HECTD4: variants seen among roughly 807,000 people sequenced by gnomAD.
HECTD4 encodes the protein probable E3 ubiquitin-protein ligase HECTD4.
A neutral mutation model predicts 471.5 loss-of-function variants in HECTD4; 114 were observed. The ratio of observed to expected loss-of-function variants is 0.24; its 90% CI spans 0.21 to 0.28. The LOEUF is 0.28. Among genes scored for constraint, HECTD4 ranks in the 10% least tolerant of loss-of-function variants. The pLI is 1.00. For missense variants in HECTD4, 3,866 were observed against 5,651.5 expected (o/e 0.68, Z 10.13); for synonymous variants, 2,012 against 2,256.0 (o/e 0.89, Z 3.07).
chr12:112,239,939 G>T lies in HECTD4; in HGVS notation c.5047C>A (p.Arg1683Ser), dbSNP rs372463521. 6.2e-7 allele frequency: 1 copy of T among 1,613,878 alleles called. No homozygotes were observed. The highest frequency in any genetic ancestry group is 1.3e-5 in the African/African-American group (1 of 74,922). ...CTATTTGCGCAAGCGATAGGGTAAC[G>T]AGCACACAGAGACACAACAGAGGTC... ...TMTSVVSLCA[R>S]YPIACANSIG... Residue 1683 changes from arginine (R) to serine (S), a missense_variant, in exon 33 of 76, where the codon CGT becomes AGT. By Grantham distance (110) the Arg-to-Ser change is moderately radical. Around this residue, in one of 16 missense-constraint regions of HECTD4, gnomAD observed 229 missense variants for 386.4 expected, o/e 0.59. Coordinates refer to ENST00000682272, the MANE Select transcript of HECTD4 (RefSeq NM_001388303.1). The surrounding 1 kb of genome is among the most constrained non-coding windows in gnomAD (Gnocchi z 4.9).
At chr12:112,195,541 T>C (rs964150819) in intron 55 of HECTD4, among the ~76,000 whole-genome samples, 1 of 152,158 alleles carries the variant, frequency 6.6e-6, no homozygotes, top group Non-Finnish European at 1.5e-5. Context: ...TTTCTGTAAA[T>C]TGTCCAGAGG....
intron 16 of HECTD4, among the ~76,000 whole-genome samples, chr12:112,264,877 G>A (rs1300876333): frequency 6.6e-6 from 1 of 152,166 alleles, no homozygotes; most frequent in Non-Finnish European, 1.5e-5. Context: ...TGATTCTCCT[G>A]CCTCAGCCTC....
chr12:112,267,032 C>A, intron 13 of HECTD4, 50 bp from the exon 14 acceptor site: 1 of 989,452 alleles, frequency 1.0e-6, no homozygotes, highest in Non-Finnish European at 1.5e-6. Flanking sequence ...TCTAGAAAAT[C>A]AACTCTAAAT....
intron 23 of HECTD4, among the ~76,000 whole-genome samples, chr12:112,251,713 C>T (rs972315076): frequency 1.3e-5 from 2 of 152,176 alleles, no homozygotes; most frequent in Non-Finnish European, 1.5e-5. Context: ...AATACGTTTT[C>T]GGAATCAGGC....
intron 55 of HECTD4, among the ~76,000 whole-genome samples, chr12:112,199,782 C>T (rs2032361135): frequency 6.6e-6 from 1 of 152,196 alleles, no homozygotes; most frequent in African/African-American, 2.4e-5. Context: ...ATTGGCTTCA[C>T]AGCGAAAGGA....
chr12:112,162,392 C>T lies in HECTD4; in HGVS notation c.13252G>A (p.Gly4418Ser). 1.9e-6 allele frequency: 3 copies of T among 1,613,980 alleles called. No homozygotes were observed. The highest frequency in any genetic ancestry group is 2.5e-6 in the Non-Finnish European group (3 of 1,179,888). The change falls in exon 76 of 76, where the codon GGC (glycine) becomes AGC (serine). Residue 4418 changes from glycine to serine, a missense_variant. By Grantham distance (56) the Gly-to-Ser change is moderately conservative. Transcript: ENST00000682272. The surrounding 1 kb of genome is among the most constrained non-coding windows in gnomAD (Gnocchi z 5.2). Reference protein sequence around the residue: ...AIHYREDPLSG With the variant: ...AIHYREDPLSS ...AATTCTGGGGCTCCCTCCCATCAGC[C>T]ACTGAGGGGGTCTTCACGGTAGTGA...
At chr12:112,277,313 G>C (rs2034546258) in intron 9 of HECTD4, among the ~76,000 whole-genome samples, 1 of 152,186 alleles carries the variant, frequency 6.6e-6, no homozygotes, top group African/African-American at 2.4e-5. Flanking sequence ...ATTATGTTAA[G>C]TTTAAAAAGC....
At chr12:112,360,945 T>C (rs1005469755) in intron 1 of HECTD4, among the ~76,000 whole-genome samples, 3 of 150,372 alleles carry the variant, frequency 2.0e-5, no homozygotes, top group Non-Finnish European at 4.4e-5. Context: ...GATCGCGCCA[T>C]TGCACTCCAG....
At chr12:112,335,084 C>T (rs1359423682) in intron 1 of HECTD4, among the ~76,000 whole-genome samples, 1 of 151,640 alleles carries the variant, frequency 6.6e-6, no homozygotes, top group Non-Finnish European at 1.5e-5. Flanking sequence ...TTTGCAATTG[C>T]AAAAATGTGC....
chr12:112,243,322 A>C lies in HECTD4; in HGVS notation c.4958+31T>G, dbSNP rs1391238725. The C allele has an allele frequency of 6.3e-7, 1 of 1,590,690 alleles. No homozygotes were observed. The highest frequency in any genetic ancestry group is 8.6e-7 in the Non-Finnish European group (1 of 1,164,170). ...TTGAATGGCTCTGACCATTCTAGAAAGGACAGTATAAACTAACAGAAACAA... is the reference window on the plus strand; with the variant it reads ...TTGAATGGCTCTGACCATTCTAGAACGGACAGTATAAACTAACAGAAACAA... On this transcript the variant is annotated intron_variant, in intron 32 of 75. Transcript: ENST00000682272. This position sits in a 1 kb window ranked among gnomAD's most constrained non-coding sequence, Gnocchi z 6.6.
Position 112,193,572 on chromosome 12 carries a change from G to A in HECTD4, c.8852C>T (p.Ser2951Phe). 1 of 1,613,226 alleles carries A rather than the reference G, an allele frequency of 6.2e-7. No homozygotes were observed. Among genetic ancestry groups the A allele is most frequent in the Non-Finnish European group, 8.5e-7 (1 of 1,179,636 alleles). The part of the protein sequence containing the change: ...SATDLFYQGN[S>F]QTVREWLNVA... ...GTTGAGCCACTCTCTCACTGTCTGG[G>A]AGTTGCCCTGGTAAAAGAGGTCCGT... is the stretch of plus-strand genomic sequence containing the variant. Residue 2951 changes from serine (S) to phenylalanine (F), a missense_variant, in exon 57 of 76, where the codon TCC becomes TTC. Around this residue, in one of 16 missense-constraint regions of HECTD4, gnomAD observed 364 missense variants for 413.2 expected, o/e 0.88. Coordinates refer to ENST00000682272, the MANE Select transcript of HECTD4 (RefSeq NM_001388303.1). The surrounding 1 kb of genome is among the most constrained non-coding windows in gnomAD (Gnocchi z 5.2).
intron 66 of HECTD4, among the ~76,000 whole-genome samples, chr12:112,175,369 G>A (rs1219446317): frequency 6.6e-6 from 1 of 152,238 alleles, no homozygotes; most frequent in East Asian, 1.9e-4. Context: ...GAAGGTGGCA[G>A]TCTGGGAGCC....
chr12:112,255,754 C>G (rs2033993361), intron 21 of HECTD4, among the ~76,000 whole-genome samples: 1 of 152,190 alleles, frequency 6.6e-6, no homozygotes, highest in African/African-American at 2.4e-5. Context: ...TTCAACAATT[C>G]TAAGTAGAAG....
intron 32 of HECTD4, among the ~76,000 whole-genome samples, chr12:112,242,270 A>AT: frequency 6.6e-6 from 1 of 152,188 alleles, no homozygotes; most frequent in Non-Finnish European, 1.5e-5. Flanking sequence ...GGATGTGTTA[A>AT]TTTTTTTAGA....
intron 66 of HECTD4, among the ~76,000 whole-genome samples, 180 bp downstream of exon 66, chr12:112,175,555 AG>A (rs2031408731): frequency 6.6e-6 from 1 of 152,238 alleles, no homozygotes; most frequent in Admixed American, 6.5e-5. Flanking sequence ...GAAAAAGAAC[AG>A]GTTTGTTTAC....
At chr12:112,185,521 A>ACTG in intron 60 of HECTD4, 28 bp from the exon 61 acceptor site, 2 of 1,467,440 alleles carry the variant, frequency 1.4e-6, no homozygotes, top group Non-Finnish European at 1.8e-6. Context: ...AGTAACAGTA[A>ACTG]TTACTATGCA....
chr12:112,178,559 G>A (rs888213305), intron 64 of HECTD4, among the ~76,000 whole-genome samples: 1 of 152,218 alleles, frequency 6.6e-6, no homozygotes, highest in African/African-American at 2.4e-5. Context: ...ACCGGGCACA[G>A]TGGCTCCCGC....
intron 1 of HECTD4, among the ~76,000 whole-genome samples, chr12:112,340,653 C>T (rs1190451804): frequency 6.6e-6 from 1 of 152,100 alleles, no homozygotes; most frequent in African/African-American, 2.4e-5. Flanking sequence ...GATGAGAACG[C>T]CTGGTCTATA....
At chr12:112,337,384 A>G (rs2035977390) in intron 1 of HECTD4, among the ~76,000 whole-genome samples, 1 of 152,228 alleles carries the variant, frequency 6.6e-6, no homozygotes, top group Non-Finnish European at 1.5e-5. Context: ...AAATATATGC[A>G]CAAATATACT....
Sources: gnomAD v4.1 joint callset for allele counts (sites outside exome capture counted in the v4.1 genomes callset) on GRCh38, gnomAD v4.1.1 for gene constraint, gnomAD v4.1.1 regional missense constraint, Gnocchi (gnomAD v3.1) non-coding constraint, MANE v1.5 for transcripts, NCBI Gene and HGNC (gene_info 2026-07-23, HGNC 2026-07-21) for gene names.